The following AKAP6 variants were observed in gnomAD, a reference collection of about 807,000 sequenced individuals.
AKAP6 encodes A-kinase anchoring protein 6.
Under a neutral mutation model 188.5 loss-of-function variants are expected in AKAP6, and 58 were observed. The ratio of observed to expected loss-of-function variants is 0.31; its 90% CI spans 0.25 to 0.38. AKAP6 has a LOEUF of 0.38. AKAP6 is among the 10% of genes least tolerant of loss of function. AKAP6 has a pLI of 1.00. For synonymous variants in AKAP6, 989 were observed against 998.6 expected, an observed-to-expected ratio of 0.99 and a Z score of 0.18; for missense variants, 2,710 against 2,740.0, an observed-to-expected ratio of 0.99 and a Z score of 0.24.
intron 7 of AKAP6, among the ~76,000 whole-genome samples, chr14:32,621,876 A>G (rs1264599020): frequency 6.6e-6 from 1 of 152,122 alleles, no homozygotes; most frequent in Non-Finnish European, 1.5e-5. Flanking sequence ...TTATGAATTA[A>G]TGATAAGTGT....
chr14:32,564,082 A>G (rs1884084655), intron 4 of AKAP6, among the ~76,000 whole-genome samples: 1 of 152,218 alleles, frequency 6.6e-6, no homozygotes, highest in South Asian at 2.1e-4. Flanking sequence ...CACCTTGTGT[A>G]TGCTTTAAAT....
chr14:32,637,774 G>A (rs1384252646), intron 7 of AKAP6, among the ~76,000 whole-genome samples: 2 of 152,016 alleles, frequency 1.3e-5, no homozygotes, highest in African/African-American at 2.4e-5. Context: ...TGTGGGACAT[G>A]GGAGTTTACA....
chr14:32,600,866 T>C, intron 7 of AKAP6, 74 bp downstream of exon 7: 1 of 1,419,194 alleles, frequency 7.0e-7, no homozygotes, highest in Admixed American at 2.5e-5. Context: ...TGAAGTTTTC[T>C]TTCCAACCCT....
chr14:32,802,450 C>G (rs2033976326), intron 12 of AKAP6, among the ~76,000 whole-genome samples: 1 of 152,108 alleles, frequency 6.6e-6, no homozygotes, highest in Non-Finnish European at 1.5e-5. Flanking sequence ...ATATCCAATC[C>G]AAATAGTAGT....
In AKAP6 at chr14:32,773,800, G is replaced by C; in HGVS notation, c.3495G>C (p.Leu1165=). The part of the protein sequence containing the change: ...NLNADHQPMQ[L]IIVNLERRWE... ...ATGCAGACCACCAGCCCATGCAGCT[G>C]ATCATTGTAAATCTTGAAAGAAGGT... Residue 1165 remains leucine, a synonymous_variant, in exon 12 of 14, where the codon CTG becomes CTC. Transcript: ENST00000280979. 1 of 1,614,090 alleles carries C rather than the reference G, an allele frequency of 6.2e-7. No individual in the cohort carries two copies. Among genetic ancestry groups the C allele is most frequent in the East Asian group, 2.2e-5 (1 of 44,892 alleles).
intron 5 of AKAP6, among the ~76,000 whole-genome samples, chr14:32,593,591 C>T (rs540609368): frequency 7.9e-5 from 12 of 152,246 alleles, no homozygotes; most frequent in South Asian, 4.1e-4. Context: ...GATTCTTCCC[C>T]TTTTGAAAAT....
chr14:32,472,810 A>G (rs1263594962), intron 2 of AKAP6, among the ~76,000 whole-genome samples: 1 of 152,220 alleles, frequency 6.6e-6, no homozygotes, highest in Admixed American at 6.5e-5. Context: ...AGCAACTAAG[A>G]GAGATTGAAA....
At chr14:32,675,490 T>G (rs2139628375) in intron 7 of AKAP6, among the ~76,000 whole-genome samples, 1 of 152,350 alleles carries the variant, frequency 6.6e-6, no homozygotes, top group Non-Finnish European at 1.5e-5. Flanking sequence ...CTTCAACTCT[T>G]TCTCTTAAAA....
intron 8 of AKAP6, among the ~76,000 whole-genome samples, chr14:32,692,416 A>T (rs535716075): frequency 1.3e-5 from 2 of 152,232 alleles, no homozygotes; most frequent in African/African-American, 4.8e-5. Flanking sequence ...ATCTTTCACT[A>T]TAAAAAGAGG....
intron 4 of AKAP6, among the ~76,000 whole-genome samples, chr14:32,554,411 A>C (rs1346070928): frequency 3.3e-5 from 5 of 152,184 alleles, no homozygotes; most frequent in Non-Finnish European, 7.3e-5. Context: ...TATAACAAGC[A>C]TATGGAAGAG....
intron 2 of AKAP6, among the ~76,000 whole-genome samples, chr14:32,531,523 T>C (rs538510051): frequency 6.6e-6 from 1 of 152,260 alleles, no homozygotes; most frequent in East Asian, 1.9e-4. Context: ...TACAGCAGAG[T>C]TGACTTTCTT....
chr14:32,784,560 A>G (rs1169917053), intron 12 of AKAP6, among the ~76,000 whole-genome samples: 2 of 152,172 alleles, frequency 1.3e-5, no homozygotes, highest in African/African-American at 4.8e-5. Flanking sequence ...AGATCCCTCT[A>G]AAAAGCCATG....
chr14:32,436,236 A>G (rs977452671), intron 2 of AKAP6, among the ~76,000 whole-genome samples: 1 of 152,224 alleles, frequency 6.6e-6, no homozygotes, highest in Non-Finnish European at 1.5e-5. Flanking sequence ...CATGGCTTTG[A>G]AGATCATCTA....
At chr14:32,718,418 G>A (rs1421054052) in intron 9 of AKAP6, 1 of 661,018 alleles carries the variant, frequency 1.5e-6, no homozygotes, top group African/African-American at 2.0e-5. Flanking sequence ...GGCCCAAGGG[G>A]TCAGGGGATG....
chr14:32,395,419 C>CTCA (rs2138596100), intron 1 of AKAP6, among the ~76,000 whole-genome samples: 1 of 152,184 alleles, frequency 6.6e-6, no homozygotes, highest in South Asian at 2.1e-4. Flanking sequence ...TTCACATTGC[C>CTCA]GTCTCACTGG....
intron 7 of AKAP6, among the ~76,000 whole-genome samples, chr14:32,641,469 T>TAAAAA (rs35618540): frequency 2.1e-4 from 25 of 119,794 alleles, no homozygotes; most frequent in Non-Finnish European, 3.0e-4. Flanking sequence ...GAAACCCTGC[T>TAAAAA]AAAAAAAAAA....
rs201616651 is a variant in AKAP6 at position 32,338,046 on chromosome 14, G to GT, written c.-35+8646dup. Among the ~76,000 whole-genome samples, 1,076 of 151,454 alleles carry GT rather than the reference G, an allele frequency of 7.1e-3. 12 individuals carry two copies. Among genetic ancestry groups the GT allele is most frequent in the African/African-American group, 0.024 (981 of 41,262 alleles). ...AACAAAACAAGACACGTTTTACTCT[G>GT]TTTTTTTTGTGTTTGTTTGGTTTTT... On this transcript the variant is annotated intron_variant, in intron 1 of 13. Transcript: ENST00000280979.
intron 1 of AKAP6, among the ~76,000 whole-genome samples, chr14:32,345,814 C>A (rs989809477): frequency 6.6e-6 from 1 of 152,128 alleles, no homozygotes; most frequent in Non-Finnish European, 1.5e-5. Context: ...CATTTGAGCA[C>A]AAGACCACTG....
At chr14:32,766,002 C>A (rs2032707476) in intron 11 of AKAP6, among the ~76,000 whole-genome samples, 1 of 152,084 alleles carries the variant, frequency 6.6e-6, no homozygotes, top group Admixed American at 6.6e-5. Flanking sequence ...AACCCCTTAC[C>A]CATTAGCTCG....
Sources: allele counts gnomAD v4.1 joint callset (sites outside exome capture counted in the v4.1 genomes callset), GRCh38; gene constraint gnomAD v4.1.1; transcripts MANE v1.5; gene names NCBI Gene and HGNC (gene_info 2026-07-23, HGNC 2026-07-21).